Variants in SDCBP observed in about 807,000 individuals in gnomAD.
The protein encoded by SDCBP is syndecan binding protein.
SDCBP carries 22 observed loss-of-function variants against 30.5 expected under a neutral mutation model. The ratio of observed to expected loss-of-function variants is 0.72; its 90% CI spans 0.52 to 1.03. The LOEUF is 1.03. Among genes scored for constraint, SDCBP ranks in the 50% least tolerant of loss-of-function variants. The pLI is 0.00. For missense variants in SDCBP, 304 were observed against 369.9 expected (o/e 0.82, Z 1.46); for synonymous variants, 103 against 118.7 (o/e 0.87, Z 0.86).
At chr8:58,563,144 T>A (rs1804524985) in intron 1 of SDCBP, among the ~76,000 whole-genome samples, 1 of 152,234 alleles carries the variant, frequency 6.6e-6, no homozygotes, top group African/African-American at 2.4e-5. Flanking sequence ...TTGGCATTTT[T>A]AACAGCATTA....
intron 5 of SDCBP, among the ~76,000 whole-genome samples, chr8:58,577,242 G>A (rs1343870091): frequency 6.6e-6 from 1 of 152,234 alleles, no homozygotes; most frequent in Non-Finnish European, 1.5e-5. Flanking sequence ...ACAGATGTGT[G>A]ATAGAAATAT....
At chr8:58,562,488 G>A (rs1273550445) in intron 1 of SDCBP, among the ~76,000 whole-genome samples, 1 of 152,076 alleles carries the variant, frequency 6.6e-6, no homozygotes, top group African/African-American at 2.4e-5. Flanking sequence ...ACTGGTATAA[G>A]GATAGACATA....
At position 58,581,995 on chromosome 8, in the gene SDCBP, C is replaced by A; in HGVS notation, c.*255C>A. 1 of 457,596 alleles carries A rather than the reference C, an allele frequency of 2.2e-6. No homozygotes were observed. The highest frequency in any genetic ancestry group is 4.0e-6 in the Non-Finnish European group (1 of 252,806). 28.3% of individuals were successfully genotyped at this position (457,596 alleles called of 1,614,324 possible). ...TACTGACTTTCCTAGAATAGTTTCT[C>A]TACTGGAAACCTGATGCTTTTATAA... On this transcript the variant is annotated 3_prime_UTR_variant, in exon 9 of 9. Coordinates refer to ENST00000260130, the MANE Select transcript of SDCBP (RefSeq NM_005625.4).
intron 5 of SDCBP, 156 bp from the exon 6 acceptor site, chr8:58,577,872 ATAACT>A (rs1295002067): frequency 1.5e-5 from 8 of 521,204 alleles, no homozygotes; most frequent in African/African-American, 1.0e-4. Flanking sequence ...TTTTGAGGTG[ATAACT>A]TAATATACTC....
At chr8:58,578,863 A>C (rs1355681469) in intron 6 of SDCBP, among the ~76,000 whole-genome samples, 1 of 152,144 alleles carries the variant, frequency 6.6e-6, no homozygotes, top group Admixed American at 6.5e-5. Context: ...TATTTCGTAA[A>C]TGTTTCAGAT....
At chr8:58,570,291 C>T (rs1230897231) in intron 2 of SDCBP, among the ~76,000 whole-genome samples, 1 of 152,142 alleles carries the variant, frequency 6.6e-6, no homozygotes, top group Non-Finnish European at 1.5e-5. Flanking sequence ...GTTTGTTTAA[C>T]AGTTACAAAT....
chr8:58,574,305 T>G (rs1805203864), intron 4 of SDCBP, among the ~76,000 whole-genome samples: 1 of 152,162 alleles, frequency 6.6e-6, no homozygotes, highest in African/African-American at 2.4e-5. Context: ...CAACAATTCA[T>G]ACATAAAGGT....
At chr8:58,566,289 T>C (rs1266636615) in intron 2 of SDCBP, among the ~76,000 whole-genome samples, 1 of 152,190 alleles carries the variant, frequency 6.6e-6, no homozygotes, top group Non-Finnish European at 1.5e-5. Flanking sequence ...CTGATAAGGA[T>C]TTTTAGATGG....
chr8:58,553,725 G>A (rs1364884546), intron 1 of SDCBP, among the ~76,000 whole-genome samples: 1 of 152,260 alleles, frequency 6.6e-6, no homozygotes, highest in Non-Finnish European at 1.5e-5. Flanking sequence ...TCTGGCCACG[G>A]TTCCTCCCAG....
At position 58,579,803 on chromosome 8, in the gene SDCBP, C is replaced by G; in HGVS notation, c.750+9C>G. The G allele has an allele frequency of 1.9e-6, 3 of 1,582,324 alleles. No homozygotes were observed. The highest frequency in any genetic ancestry group is 2.6e-6 in the Non-Finnish European group (3 of 1,164,190). On this transcript the variant is annotated intron_variant, in intron 7 of 8. Transcript: ENST00000260130. ...ATGTCATTGGATTGAAGGTAAGGAA[C>G]AGACTTTGTGCCATGTTCTGCTGCA... is the stretch of plus-strand genomic sequence containing the variant.
At chr8:58,575,375 A>G (rs563163867) in intron 4 of SDCBP, among the ~76,000 whole-genome samples, 6 of 152,290 alleles carry the variant, frequency 3.9e-5, no homozygotes, top group African/African-American at 1.4e-4. Flanking sequence ...TGTGCATATG[A>G]TTTGTTAATC....
rs747009733 is a variant in SDCBP, at chr8:58,579,646, T to G, written c.602T>G (p.Met201Arg). Residue 201 changes from methionine to arginine, a missense_variant, in exon 7 of 9, where the codon ATG (methionine) becomes AGG (arginine). Met to Arg is a moderately conservative substitution (Grantham distance 91). Transcript: ENST00000260130. ...RDRPFERTITMHKDSTGHVGF... is the reference protein window; with the variant it reads ...RDRPFERTITRHKDSTGHVGF... Reference sequence around the variant, plus strand: ...AGGCCCTTTGAACGGACGATTACCATGCATAAGGATAGCACTGGACATGTT... The same window carrying G: ...AGGCCCTTTGAACGGACGATTACCAGGCATAAGGATAGCACTGGACATGTT... 1 of 1,593,724 alleles carries G rather than the reference T, an allele frequency of 6.3e-7. No homozygotes were observed. The highest frequency in any genetic ancestry group is 8.5e-7 in the Non-Finnish European group (1 of 1,170,724).
chr8:58,575,607 A>G (rs1223140641), intron 4 of SDCBP, among the ~76,000 whole-genome samples: 1 of 152,212 alleles, frequency 6.6e-6, no homozygotes, highest in African/African-American at 2.4e-5. Flanking sequence ...AAGTTCAAAG[A>G]TAATAAATTT....
intron 1 of SDCBP, among the ~76,000 whole-genome samples, chr8:58,553,546 G>C (rs745521630): frequency 3.9e-5 from 6 of 152,164 alleles, no homozygotes; most frequent in East Asian, 1.9e-4. Flanking sequence ...CGCGTTTCGG[G>C]TTCCTGCCCG....
At chr8:58,565,926 G>A (rs1804686394) in intron 2 of SDCBP, among the ~76,000 whole-genome samples, 2 of 152,158 alleles carry the variant, frequency 1.3e-5, no homozygotes, top group East Asian at 3.9e-4. Flanking sequence ...TTGGGTCCCT[G>A]TCTTCAATTT....
chr8:58,576,572 T>G (rs946531615), intron 5 of SDCBP, among the ~76,000 whole-genome samples: 1 of 152,186 alleles, frequency 6.6e-6, no homozygotes, highest in Admixed American at 6.5e-5. Flanking sequence ...TTTGCAGATT[T>G]GTTATTAACA....
intron 1 of SDCBP, among the ~76,000 whole-genome samples, chr8:58,557,735 T>C (rs527363494): frequency 6.6e-6 from 1 of 152,124 alleles, no homozygotes; most frequent in Admixed American, 6.6e-5. Context: ...TCCAAGGAAT[T>C]AGGCCAGTGG....
intron 1 of SDCBP, among the ~76,000 whole-genome samples, chr8:58,553,793 C>T (rs948325332): frequency 2.6e-5 from 4 of 152,176 alleles, no homozygotes; most frequent in African/African-American, 9.7e-5. Flanking sequence ...TTCGGAAAGT[C>T]CTGGATTTGA....
At chr8:58,566,661 G>GTTTTT (rs1234108832) in intron 2 of SDCBP, among the ~76,000 whole-genome samples, 2 of 152,182 alleles carry the variant, frequency 1.3e-5, no homozygotes, top group East Asian at 3.9e-4. Flanking sequence ...CTCTTTGGCT[G>GTTTTT]TTTTTGTTTT....
Sources: allele counts gnomAD v4.1 joint callset (sites outside exome capture counted in the v4.1 genomes callset), GRCh38; gene constraint gnomAD v4.1.1; transcripts MANE v1.5; gene names NCBI Gene and HGNC (gene_info 2026-07-23, HGNC 2026-07-21).